The following BORCS8 variants were observed in gnomAD, a reference collection of about 807,000 sequenced individuals.
The protein encoded by BORCS8 is BLOC-1-related complex subunit 8.
Under a neutral mutation model 18.7 loss-of-function variants are expected in BORCS8, and 13 were observed. The ratio of observed to expected loss-of-function variants is 0.70; its 90% CI spans 0.45 to 1.11. The LOEUF is 1.11. BORCS8 is among the 50% of genes least tolerant of loss of function. The pLI is 0.00. For missense variants in BORCS8, 165 were observed against 165.7 expected (o/e 1.00, Z 0.02); for synonymous variants, 68 against 64.8 (o/e 1.05, Z -0.24).
At chr19:19,190,141 G>A (rs1320089753) in intron 1 of BORCS8, among the ~76,000 whole-genome samples, 1 of 152,100 alleles carries the variant, frequency 6.6e-6, no homozygotes, top group East Asian at 1.9e-4. Context: ...TCCACCTCAC[G>A]GAGGACCTTG....
intron 1 of BORCS8, among the ~76,000 whole-genome samples, chr19:19,188,037 A>ATTTAT (rs1470109760): frequency 6.9e-6 from 1 of 144,916 alleles, no homozygotes; most frequent in Admixed American, 6.9e-5. Context: ...TTATTTATTT[A>ATTTAT]TTATTATTTT....
chr19:19,186,060 G>T lies in BORCS8; in HGVS notation c.189C>A (p.Ala63=). ...MQRWEEQSQG[A]IYTVEYACSA... ...TGCAGGCGTACTCCACAGTGTAGAT[G>T]GCTCCCTGGCTCTGCTCCTCCCAAC... is the stretch of plus-strand genomic sequence containing the variant. The change falls in exon 3 of 6, where the codon GCC becomes GCA. Residue 63 remains alanine (A), a synonymous_variant. Transcript: ENST00000462790. 6.5e-7 allele frequency: 1 copy of T among 1,549,838 alleles called. No homozygotes were observed. Among genetic ancestry groups the T allele is most frequent in the Non-Finnish European group, 8.7e-7 (1 of 1,146,448 alleles).
chr19:19,191,315 T>A (rs1271280123), intron 1 of BORCS8, among the ~76,000 whole-genome samples: 1 of 148,096 alleles, frequency 6.8e-6, no homozygotes, highest in Non-Finnish European at 1.5e-5. Context: ...AGAGCGAGAC[T>A]CCGTCAAAAA....
Position 19,186,099 on chromosome 19 carries a change from C to G in BORCS8, c.151-1G>C, listed in dbSNP as rs2060406311. The G allele has an allele frequency of 1.3e-6, 2 of 1,551,366 alleles. No individual in the cohort carries two copies. Among genetic ancestry groups the G allele is most frequent in the African/African-American group, 2.7e-5 (2 of 73,042 alleles). ...GCTCCTCCCAACGCTGCATGTCTGCCTGTAGGGGGCGCAGGAGATATTTGG... is the reference window on the plus strand; with the variant it reads ...GCTCCTCCCAACGCTGCATGTCTGCGTGTAGGGGGCGCAGGAGATATTTGG... On this transcript the variant is annotated splice_acceptor_variant, in intron 2 of 5. Transcript: ENST00000462790. LOFTEE classifies it high-confidence loss of function.
intron 1 of BORCS8, among the ~76,000 whole-genome samples, chr19:19,187,780 G>A (rs572438546): frequency 7.3e-5 from 11 of 151,688 alleles, no homozygotes; most frequent in Admixed American, 2.6e-4. Flanking sequence ...CTCGTGATCC[G>A]CTCACCATGG....
chr19:19,190,622 C>A (rs940947146), intron 1 of BORCS8, among the ~76,000 whole-genome samples: 1 of 152,186 alleles, frequency 6.6e-6, no homozygotes, highest in Non-Finnish European at 1.5e-5. Context: ...AACCCCGTTT[C>A]TACTGAAAAT....
At chr19:19,184,910 C>T (rs10854012) in intron 3 of BORCS8, among the ~76,000 whole-genome samples, 77,012 of 151,988 alleles carry the variant, frequency 0.51, 19,718 homozygotes, top group East Asian at 0.66. Flanking sequence ...GTATTTCTTT[C>T]TTCTTTAGAG....
At position 19,186,074 on chromosome 19, in the gene BORCS8, G is replaced by A; in HGVS notation, c.175C>T (p.Gln59Ter). ...ACAGTGTAGATGGCTCCCTGGCTCT[G>A]CTCCTCCCAACGCTGCATGTCTGCC... is the stretch of plus-strand genomic sequence containing the variant. ...HKADMQRWEE[Q>*]SQGAIYTVEY... Residue 59 changes from glutamine (Q) to a stop codon, truncating the protein, a stop_gained, in exon 3 of 6, where the codon CAG becomes TAG. Coordinates refer to ENST00000462790, the MANE Select transcript of BORCS8 (RefSeq NM_001145784.2). LOFTEE classifies it high-confidence loss of function. The A allele has an allele frequency of 6.4e-7, 1 of 1,551,052 alleles. No homozygotes were observed. The highest frequency in any genetic ancestry group is 8.7e-7 in the Non-Finnish European group (1 of 1,146,850).
At chr19:19,177,681 GAAGGAAGGAAGGAAGAGAAAA>G (rs2060306048) in intron 5 of BORCS8, 8 of 92,812 alleles carry the variant, frequency 8.6e-5, no homozygotes, top group African/African-American at 4.9e-4. Context: ...AGGAAGGAAG[GAAGGAAGGAAGGAAGAGAAAA>G]GAAAAGAAAA....
At position 19,182,323 on chromosome 19, in the gene BORCS8, G is replaced by A. The variant is rs2060357102; in HGVS notation, c.326+250C>T. Reference sequence around the variant, plus strand: ...TTGTCGTATGTCTCCTTGTGAGCCTGTCTGTCTCGGTCACTGCTATGTCCC... The same window carrying A: ...TTGTCGTATGTCTCCTTGTGAGCCTATCTGTCTCGGTCACTGCTATGTCCC... On this transcript the variant is annotated intron_variant, in intron 4 of 5. Coordinates refer to ENST00000462790, the MANE Select transcript of BORCS8 (RefSeq NM_001145784.2). This position sits in a 1 kb window ranked among gnomAD's most constrained non-coding sequence, Gnocchi z 4.1. 1.1e-6 allele frequency: 1 copy of A among 924,298 alleles called. No homozygotes were observed. The highest frequency in any genetic ancestry group is 2.7e-5 in the South Asian group (1 of 37,516). 57.3% of individuals were successfully genotyped at this position (924,298 alleles called of 1,614,324 possible). A position where few individuals can be genotyped will look rare whatever the true frequency, so the allele number is the denominator to read the frequency against.
intron 1 of BORCS8, among the ~76,000 whole-genome samples, chr19:19,189,195 C>T (rs550673608): frequency 1.3e-5 from 2 of 152,134 alleles, no homozygotes; most frequent in Non-Finnish European, 2.9e-5. Context: ...GCATTCCCAG[C>T]CAGCCAGCAG....
chr19:19,180,702 T>A lies in BORCS8; in HGVS notation c.*26A>T. 1 of 1,548,538 alleles carries A rather than the reference T, an allele frequency of 6.5e-7. No homozygotes were observed. The highest frequency in any genetic ancestry group is 8.7e-7 in the Non-Finnish European group (1 of 1,145,538). On this transcript the variant is annotated 3_prime_UTR_variant, in exon 5 of 6. Coordinates refer to ENST00000462790, the MANE Select transcript of BORCS8 (RefSeq NM_001145784.2). Reference sequence around the variant, plus strand: ...GGCACTGACCTGGGTTGGCGGAGGCTGGGGGGCCCCGAGTCTCTTCCAGGA... The same window carrying A: ...GGCACTGACCTGGGTTGGCGGAGGCAGGGGGGCCCCGAGTCTCTTCCAGGA...
Position 19,184,305 on chromosome 19 carries a change from CTT to C in BORCS8, c.216-1624_216-1623del, listed in dbSNP as rs900454275. Among the ~76,000 whole-genome samples the C allele has an allele frequency of 2.4e-4, 26 of 108,480 alleles. No individual in the cohort carries two copies. The East Asian group carries it at 3.0e-3, about 13-fold the overall frequency. 71.2% of individuals were successfully genotyped at this position (108,480 alleles called of 152,430 possible). A position where few individuals can be genotyped will look rare whatever the true frequency, so the allele number is the denominator to read the frequency against. On this transcript the variant is annotated intron_variant, in intron 3 of 5. Transcript: ENST00000462790. Reference sequence around the variant, plus strand: ...TTTTGTTGGTTTTTTTTTTTCCTTTCTTTTTTTTTTTTTTTTTTGAGACGGAG... The same window carrying C: ...TTTTGTTGGTTTTTTTTTTTCCTTTCTTTTTTTTTTTTTTTTGAGACGGAG...
chr19:19,185,106 A>T (rs1465370063), intron 3 of BORCS8, among the ~76,000 whole-genome samples: 4 of 152,234 alleles, frequency 2.6e-5, no homozygotes, highest in Non-Finnish European at 5.9e-5. Context: ...TGTCCCACCA[A>T]GGGGGCCAAG....
rs1419409102 is a variant in BORCS8, at chr19:19,180,756, T to C, written c.332A>G (p.Glu111Gly). Reference sequence around the variant, plus strand: ...GGCTGAGGAGGGCGGGGGTGGTTCCTCCGGGCTGCAACAAAACATGTGCAG... The same window carrying C: ...GGCTGAGGAGGGCGGGGGTGGTTCCCCCGGGCTGCAACAAAACATGTGCAG... ...MNASAQGHSP[E>G]EPPPPSSA Residue 111 changes from glutamate to glycine, a missense_variant, in exon 5 of 6, where the codon GAG becomes GGG. Transcript: ENST00000462790. 2 of 1,547,882 alleles carry C rather than the reference T, an allele frequency of 1.3e-6. No individual in the cohort carries two copies. Among genetic ancestry groups the C allele is most frequent in the African/African-American group, 2.7e-5 (2 of 72,886 alleles).
chr19:19,179,376 T>C (rs2060329275), intron 5 of BORCS8: 1 of 152,664 alleles, frequency 6.6e-6, no homozygotes, highest in Admixed American at 6.5e-5. Flanking sequence ...ACTCAGGAAG[T>C]ATGCATCAAC....
chr19:19,180,486 G>A, intron 5 of BORCS8, 200 bp downstream of exon 5: 1 of 600,176 alleles, frequency 1.7e-6, no homozygotes, highest in Non-Finnish European at 3.0e-6. Context: ...GGGAGAGATG[G>A]GCTGACATGG....
intron 1 of BORCS8, among the ~76,000 whole-genome samples, chr19:19,189,993 C>T (rs979293796): frequency 2.0e-5 from 3 of 152,104 alleles, no homozygotes; most frequent in Non-Finnish European, 4.4e-5. Context: ...AACACTTGGT[C>T]ACCTCAAGGC....
rs921713259 is a variant in BORCS8, at chr19:19,177,026, C to T, written c.*477G>A. ...CTCAGGTCCCCCCGGAACCCCTCGC[C>T]CCGGCCTGGTTCCCATACACCCAGC... is the stretch of plus-strand genomic sequence containing the variant. On this transcript the variant is annotated 3_prime_UTR_variant, in exon 6 of 6. Transcript: ENST00000462790. 15 of 152,238 alleles carry T rather than the reference C, an allele frequency of 9.9e-5. No individual in the cohort carries two copies. The highest frequency in any genetic ancestry group is 3.4e-4 in the African/African-American group (14 of 41,452). 9.4% of individuals were successfully genotyped at this position (152,238 alleles called of 1,614,324 possible).
Sources: gnomAD v4.1 joint callset for allele counts (sites outside exome capture counted in the v4.1 genomes callset) on GRCh38, gnomAD v4.1.1 for gene constraint, Gnocchi (gnomAD v3.1) non-coding constraint, MANE v1.5 for transcripts, NCBI Gene and HGNC (gene_info 2026-07-23, HGNC 2026-07-21) for gene names.